The following BCKDHB variants were observed in gnomAD, a reference collection of about 807,000 sequenced individuals.
BCKDHB encodes the protein 2-oxoisovalerate dehydrogenase subunit beta, mitochondrial.
Under a neutral mutation model 48.5 loss-of-function variants are expected in BCKDHB, and 41 were observed. The observed-to-expected ratio is 0.85, with a 90% CI of 0.66 to 1.10. The LOEUF (loss-of-function observed/expected upper bound fraction) is 1.10. Ranked by LOEUF, BCKDHB falls within the 50% of genes least tolerant of loss-of-function variation. The pLI is 0.00. For synonymous variants in BCKDHB, 201 were observed against 174.8 expected (o/e 1.15, Z -1.18); for missense variants, 496 against 494.2 (o/e 1.00, Z -0.03).
chr6:80,190,332 CA>C (rs936548453), intron 6 of BCKDHB, among the ~76,000 whole-genome samples: 6 of 152,172 alleles, frequency 3.9e-5, no homozygotes, highest in African/African-American at 1.4e-4. Context: ...ACAGTTTTTG[CA>C]ATTTTTCAAG....
chr6:80,263,930 A>G (rs1315718164), intron 8 of BCKDHB, among the ~76,000 whole-genome samples: 1 of 152,112 alleles, frequency 6.6e-6, no homozygotes, highest in Non-Finnish European at 1.5e-5. Flanking sequence ...CACTTGAGAA[A>G]AATTTGCCAA....
intron 9 of BCKDHB, among the ~76,000 whole-genome samples, chr6:80,340,962 C>T (rs1455998804): frequency 6.6e-6 from 1 of 152,138 alleles, no homozygotes; most frequent in Non-Finnish European, 1.5e-5. Context: ...GCTTAATTGA[C>T]CTAAGGGTCT....
intron 8 of BCKDHB, among the ~76,000 whole-genome samples, chr6:80,244,249 T>C (rs1350383567): frequency 6.6e-6 from 1 of 152,246 alleles, no homozygotes; most frequent in African/African-American, 2.4e-5. Context: ...TGTGTGCATG[T>C]ATGTGTGTAC....
chr6:80,304,344 G>C (rs1000571471), intron 9 of BCKDHB, among the ~76,000 whole-genome samples: 4 of 152,150 alleles, frequency 2.6e-5, no homozygotes, highest in Non-Finnish European at 2.9e-5. Flanking sequence ...GGCTAAGTTT[G>C]CAATACATTT....
the BCKDHB span, among the ~76,000 whole-genome samples, chr6:80,363,481 A>G: frequency 3.8e-3 from 572 of 152,290 alleles, no homozygotes; most frequent in African/African-American, 0.013. Context: ...CTGAAATCCT[A>G]TGAGTCTTTG....
intron 9 of BCKDHB, among the ~76,000 whole-genome samples, chr6:80,340,743 A>G (rs573598033): frequency 4.3e-5 from 5 of 115,654 alleles, no homozygotes; most frequent in South Asian, 6.5e-4. Flanking sequence ...TTAATCTACA[A>G]ACTTGCCAGT....
At chr6:80,343,632 C>G (rs549908232) in intron 9 of BCKDHB, 32 bp from the exon 10 acceptor site, 4 of 1,613,042 alleles carry the variant, frequency 2.5e-6, no homozygotes, top group Middle Eastern at 3.3e-4. Flanking sequence ...AAAAAAAATT[C>G]TTGAAGTTAA....
the BCKDHB span, among the ~76,000 whole-genome samples, chr6:80,353,198 G>A: frequency 6.6e-5 from 10 of 152,138 alleles, no homozygotes; most frequent in East Asian, 1.9e-3. Flanking sequence ...TTAAGATAAT[G>A]ACCTCCAGTT....
intron 6 of BCKDHB, among the ~76,000 whole-genome samples, chr6:80,193,719 CA>C (rs61317782): frequency 0.1 from 6,166 of 61,292 alleles, 310 homozygotes; most frequent in African/African-American, 0.26. Context: ...GACTCTGTCT[CA>C]AAAAAAAAAA....
At chr6:80,466,480 A>G in the BCKDHB span, among the ~76,000 whole-genome samples, 3 of 152,174 alleles carry the variant, frequency 2.0e-5, no homozygotes, top group Non-Finnish European at 4.4e-5. Context: ...AAGTTTTCTA[A>G]GAGAGTAGAT....
At chr6:80,173,602 T>C (rs1773017778) in intron 6 of BCKDHB, among the ~76,000 whole-genome samples, 1 of 152,132 alleles carries the variant, frequency 6.6e-6, no homozygotes, top group African/African-American at 2.4e-5. Flanking sequence ...TTAGTAGCCC[T>C]ATAGATTATT....
chr6:80,150,532 G>C (rs961850981), intron 3 of BCKDHB, among the ~76,000 whole-genome samples: 1 of 146,966 alleles, frequency 6.8e-6, no homozygotes. Context: ...TTTAAGTATA[G>C]TCAATCAAGT....
chr6:80,228,893 C>T (rs1271075555), intron 8 of BCKDHB, among the ~76,000 whole-genome samples: 1 of 152,100 alleles, frequency 6.6e-6, no homozygotes, highest in Non-Finnish European at 1.5e-5. Context: ...GTGTGAGGGC[C>T]TGGACTTCCA....
intron 8 of BCKDHB, among the ~76,000 whole-genome samples, chr6:80,236,641 G>A (rs988864038): frequency 3.3e-5 from 5 of 152,118 alleles, no homozygotes; most frequent in Admixed American, 1.3e-4. Flanking sequence ...GAGTCATTGA[G>A]AGGTTGAGTA....
chr6:80,162,151 G>C lies in BCKDHB; in HGVS notation c.344-5527G>C, dbSNP rs1476135238. Among the ~76,000 whole-genome samples, 4 of 152,092 alleles carry C rather than the reference G, an allele frequency of 2.6e-5. No homozygotes were observed. In the East Asian group the frequency reaches 7.7e-4, roughly 29 times the overall value. On this transcript the variant is annotated intron_variant, in intron 3 of 9. Transcript: ENST00000320393. Reference sequence around the variant, plus strand: ...TGCCTGCCATCATGCTGCATGTTCCGGGTCCATTCGGTCTTCCATTCTCCC... The same window carrying C: ...TGCCTGCCATCATGCTGCATGTTCCCGGTCCATTCGGTCTTCCATTCTCCC...
chr6:80,170,219 G>A (rs1031726894), intron 5 of BCKDHB, among the ~76,000 whole-genome samples: 4 of 152,100 alleles, frequency 2.6e-5, no homozygotes, highest in Admixed American at 1.3e-4. Context: ...ACAGAAAATA[G>A]TGACATTTTT....
chr6:80,442,924 A>G, the BCKDHB span, among the ~76,000 whole-genome samples: 1 of 152,202 alleles, frequency 6.6e-6, no homozygotes, highest in South Asian at 2.1e-4. Flanking sequence ...TGTGGAAATG[A>G]GCAGCTATTG....
chr6:80,264,627 G>T (rs1160905081), intron 8 of BCKDHB, among the ~76,000 whole-genome samples: 1 of 152,132 alleles, frequency 6.6e-6, no homozygotes, highest in African/African-American at 2.4e-5. Context: ...CAGAGGATGT[G>T]TGACATTGAT....
the BCKDHB span, among the ~76,000 whole-genome samples, chr6:80,427,467 A>G: frequency 0.011 from 1,677 of 152,270 alleles, 15 homozygotes; most frequent in African/African-American, 0.025. Flanking sequence ...TTTTGCTTGA[A>G]CAATTATATT....
Sources: allele counts gnomAD v4.1 joint callset (sites outside exome capture counted in the v4.1 genomes callset), GRCh38; gene constraint gnomAD v4.1.1; transcripts MANE v1.5; gene names NCBI Gene and HGNC (gene_info 2026-07-23, HGNC 2026-07-21).